A4GALT: variants seen among roughly 807,000 people sequenced by gnomAD.
The protein encoded by A4GALT is lactosylceramide 4-alpha-galactosyltransferase.
For synonymous variants in A4GALT, 257 were observed against 220.7 expected (o/e 1.16, Z -1.46); for missense variants, 512 against 486.0 (o/e 1.05, Z -0.50).
At chr22:42,694,059 C>T (rs897491233) in intron 2 of A4GALT, 62 bp from the exon 3 acceptor site, 20 of 1,040,308 alleles carry the variant, frequency 1.9e-5, no homozygotes, top group South Asian at 2.8e-5. Flanking sequence ...ACAAGGAAAA[C>T]GCTTCCTGTG....
At chr22:42,702,185 CACA>C (rs1419984819) in intron 1 of A4GALT, among the ~76,000 whole-genome samples, 1 of 152,036 alleles carries the variant, frequency 6.6e-6, no homozygotes, top group Admixed American at 6.6e-5. Flanking sequence ...TCCCTGACCC[CACA>C]ACATCATATC....
chr22:42,704,022 C>G (rs1005134764), intron 1 of A4GALT, among the ~76,000 whole-genome samples: 1 of 152,142 alleles, frequency 6.6e-6, no homozygotes, highest in Non-Finnish European at 1.5e-5. Context: ...ACTCAGACCC[C>G]CCTTGATGTG....
chr22:42,696,138 A>AAAAAAAAAAAAAAAAC (rs1642803896), intron 1 of A4GALT, among the ~76,000 whole-genome samples: 2 of 147,362 alleles, frequency 1.4e-5, no homozygotes, highest in East Asian at 2.0e-4. Flanking sequence ...AAAAAAAAAA[A>AAAAAAAAAAAAAAAAC]AGCCAGGCGC....
chr22:42,710,407 T>A (rs1232830657), intron 1 of A4GALT, among the ~76,000 whole-genome samples: 1 of 152,072 alleles, frequency 6.6e-6, no homozygotes, highest in Non-Finnish European at 1.5e-5. Context: ...ATTAAACATC[T>A]ATGTGAGGCT....
chr22:42,707,116 A>C (rs1203946067), intron 1 of A4GALT, among the ~76,000 whole-genome samples: 1 of 152,172 alleles, frequency 6.6e-6, no homozygotes, highest in Non-Finnish European at 1.5e-5. Flanking sequence ...CAAATAAGAT[A>C]ATCAGTAAGG....
intron 1 of A4GALT, among the ~76,000 whole-genome samples, chr22:42,714,573 A>G (rs974320899): frequency 7.9e-5 from 12 of 151,894 alleles, no homozygotes; most frequent in African/African-American, 2.4e-4. Context: ...CAAAAAAAAA[A>G]AAGATCAACC....
chr22:42,692,642 G>T lies in A4GALT; in HGVS notation c.*248C>A. ...ATCCTTCCTGCCTGTTGTCTAGAAG[G>T]CCCGGGGCACTCACTGAGCGCCCTC... On this transcript the variant is annotated 3_prime_UTR_variant, in exon 3 of 3. Transcript: ENST00000642412. This position sits in a 1 kb window ranked among gnomAD's most constrained non-coding sequence, Gnocchi z 4.6. The T allele has an allele frequency of 4.6e-6, 3 of 650,126 alleles. No homozygotes were observed. Among genetic ancestry groups the T allele is most frequent in the South Asian group, 4.5e-5 (3 of 66,302 alleles). The allele number at this position is 650,126 out of a possible 1,614,324, so 40.3% of individuals were successfully genotyped here. A position where few individuals can be genotyped will look rare whatever the true frequency, so the allele number is the denominator to read the frequency against.
At chr22:42,696,190 G>A (rs2146964739) in intron 1 of A4GALT, among the ~76,000 whole-genome samples, 1 of 150,186 alleles carries the variant, frequency 6.7e-6, no homozygotes, top group East Asian at 2.0e-4. Context: ...GGAGGCCAAG[G>A]TGGGCAGATC....
chr22:42,695,708 G>T (rs1001404416), intron 1 of A4GALT, 77 bp from the exon 2 acceptor site: 1 of 152,192 alleles, frequency 6.6e-6, no homozygotes, highest in African/African-American at 2.4e-5. Context: ...ACACAGGCAG[G>T]TCAGGCCTGG....
At chr22:42,699,373 C>T (rs1296901066) in intron 1 of A4GALT, among the ~76,000 whole-genome samples, 1 of 152,242 alleles carries the variant, frequency 6.6e-6, no homozygotes, top group Non-Finnish European at 1.5e-5. Flanking sequence ...GCATGTGACA[C>T]TGCGCCCGGC....
Position 42,693,322 on chromosome 22 carries a change from G to A in A4GALT, c.630C>T (p.Thr210=). The change falls in exon 3 of 3, where the codon ACC becomes ACT. Residue 210 remains threonine (T), a synonymous_variant. Coordinates refer to ENST00000642412, the MANE Select transcript of A4GALT (RefSeq NM_017436.7). ...CGCCGTTGAGGACGTAGCGGGACTG[G>A]GTGCCCAGCACGTTGGTCAGGTTCC... ...NLRNLTNVLG[T]QSRYVLNGAF... 6.2e-7 allele frequency: 1 copy of A among 1,613,110 alleles called. No individual in the cohort carries two copies. Among genetic ancestry groups the A allele is most frequent in the Non-Finnish European group, 8.5e-7 (1 of 1,179,984 alleles).
At chr22:42,717,463 C>G (rs1404643383) in intron 1 of A4GALT, among the ~76,000 whole-genome samples, 1 of 152,172 alleles carries the variant, frequency 6.6e-6, no homozygotes, top group East Asian at 1.9e-4. Context: ...AAGATCAAAG[C>G]CAATTCATCA....
chr22:42,706,181 C>A (rs1921095343), intron 1 of A4GALT, among the ~76,000 whole-genome samples: 1 of 134,092 alleles, frequency 7.5e-6, no homozygotes. Context: ...CGGTGAAACC[C>A]CGTCTCTACT....
intron 1 of A4GALT, among the ~76,000 whole-genome samples, chr22:42,700,040 C>T (rs1286840790): frequency 1.3e-5 from 2 of 152,228 alleles, no homozygotes; most frequent in African/African-American, 4.8e-5. Flanking sequence ...CAGGGGCCTA[C>T]ACCAACACTG....
intron 1 of A4GALT, among the ~76,000 whole-genome samples, chr22:42,706,664 AGG>A (rs1921166660): frequency 5.3e-5 from 8 of 151,760 alleles, no homozygotes; most frequent in Middle Eastern, 3.4e-3. Flanking sequence ...GCATGGTGGC[AGG>A]TGCCTGTAGT....
intron 1 of A4GALT, among the ~76,000 whole-genome samples, chr22:42,707,183 G>A (rs1602012796): frequency 1.3e-5 from 2 of 152,076 alleles, no homozygotes; most frequent in East Asian, 3.8e-4. Context: ...TTCTTTTCAA[G>A]AGCTGAGCTG....
At chr22:42,712,551 A>G (rs888136839) in intron 1 of A4GALT, among the ~76,000 whole-genome samples, 11 of 152,212 alleles carry the variant, frequency 7.2e-5, no homozygotes, top group Non-Finnish European at 1.5e-4. Flanking sequence ...AGTTCGTTCT[A>G]TTTGAAAGAA....
intron 1 of A4GALT, among the ~76,000 whole-genome samples, chr22:42,696,105 G>A (rs12160454): frequency 6.4e-5 from 6 of 93,832 alleles, no homozygotes; most frequent in African/African-American, 2.7e-4. Flanking sequence ...GTGGGTGACA[G>A]AGCCAGACTC....
intron 1 of A4GALT, among the ~76,000 whole-genome samples, chr22:42,714,422 T>C (rs1921983391): frequency 6.6e-6 from 1 of 151,514 alleles, no homozygotes; most frequent in Non-Finnish European, 1.5e-5. Flanking sequence ...ACCCCGTTTC[T>C]TCAAAAAATA....
Sources: allele counts gnomAD v4.1 joint callset (sites outside exome capture counted in the v4.1 genomes callset), GRCh38; gene constraint gnomAD v4.1.1; non-coding constraint Gnocchi (gnomAD v3.1); transcripts MANE v1.5; gene names NCBI Gene and HGNC (gene_info 2026-07-23, HGNC 2026-07-21).